Variants in DTNA observed in about 807,000 individuals in gnomAD.
DTNA encodes dystrophin-related protein 3.
DTNA carries 43 observed loss-of-function variants against 100.7 expected under a neutral mutation model. That is an observed-to-expected ratio of 0.43 (90% CI 0.33 to 0.55). DTNA has a LOEUF of 0.55. Ranked by LOEUF, DTNA falls within the 20% of genes least tolerant of loss-of-function variation. The probability of loss-of-function intolerance (pLI) is 0.04; values close to 1 mark genes in which losing one functional copy is unlikely to be tolerated. For synonymous variants in DTNA, 349 were observed against 347.9 expected, an observed-to-expected ratio of 1.00 and a Z score of -0.04; for missense variants, 798 against 953.9, an observed-to-expected ratio of 0.84 and a Z score of 2.15.
chr18:34,842,691 A>T (rs757638951), intron 13 of DTNA, among the ~76,000 whole-genome samples: 5 of 151,778 alleles, frequency 3.3e-5, no homozygotes, highest in Non-Finnish European at 7.4e-5. Context: ...TTCCCATTTC[A>T]CCCCTACTAT....
chr18:34,527,054 C>G (rs1011186402), intron 1 of DTNA, among the ~76,000 whole-genome samples: 1 of 151,948 alleles, frequency 6.6e-6, no homozygotes, highest in African/African-American at 2.4e-5. Flanking sequence ...TTTAAGCATT[C>G]GACAATCATT....
At chr18:34,618,267 G>A (rs2055743897) in intron 1 of DTNA, among the ~76,000 whole-genome samples, 1 of 152,108 alleles carries the variant, frequency 6.6e-6, no homozygotes, top group South Asian at 2.1e-4. Context: ...TGATTTGCCA[G>A]CCTAAAGTAT....
intron 1 of DTNA, among the ~76,000 whole-genome samples, chr18:34,718,684 G>A (rs2084586702): frequency 6.6e-6 from 1 of 152,174 alleles, no homozygotes; most frequent in Admixed American, 6.5e-5. Flanking sequence ...GGTGGAGTAT[G>A]GTCTTGGTCA....
chr18:34,843,375 C>T (rs1389308626), intron 13 of DTNA, among the ~76,000 whole-genome samples: 1 of 151,640 alleles, frequency 6.6e-6, no homozygotes, highest in Non-Finnish European at 1.5e-5. Context: ...TTTTAATGCC[C>T]CCCTAGATTC....
intron 9 of DTNA, chr18:34,822,273 C>T (rs1421079060): frequency 6.6e-6 from 1 of 152,164 alleles, no homozygotes; most frequent in Non-Finnish European, 1.5e-5. Flanking sequence ...TATTAAGAAC[C>T]TTATTAAGAT....
At chr18:34,672,579 G>C (rs547294254) in intron 1 of DTNA, among the ~76,000 whole-genome samples, 6 of 152,124 alleles carry the variant, frequency 3.9e-5, no homozygotes, top group African/African-American at 7.2e-5. Flanking sequence ...TAAAGTACGT[G>C]AATAAAGGAG....
Position 34,889,060 on chromosome 18 carries a change from G to T in DTNA, c.*1326G>T, listed in dbSNP as rs2096947284. 1 of 985,728 alleles carries T rather than the reference G, an allele frequency of 1.0e-6. No individual in the cohort carries two copies. The allele number at this position is 985,728 out of a possible 1,614,324, so 61.1% of individuals were successfully genotyped here. ...CTTTTCCAAGGACCCTCTTTAGAGG[G>T]CCCTAAAGACCTCCTTTGGGAATTC... On this transcript the variant is annotated 3_prime_UTR_variant, in exon 23 of 23. Coordinates refer to ENST00000444659, the MANE Select transcript of DTNA (RefSeq NM_001386795.1).
At chr18:34,632,077 G>A (rs1250870872) in intron 1 of DTNA, among the ~76,000 whole-genome samples, 1 of 151,950 alleles carries the variant, frequency 6.6e-6, no homozygotes, top group Non-Finnish European at 1.5e-5. Flanking sequence ...ATTTATTTCT[G>A]TTTTTCTTTA....
intron 1 of DTNA, among the ~76,000 whole-genome samples, chr18:34,595,441 T>C (rs1567975091): frequency 6.6e-6 from 1 of 152,152 alleles, no homozygotes; most frequent in Non-Finnish European, 1.5e-5. Context: ...AATGTTAAAC[T>C]ATGTGGCCAA....
chr18:34,691,775 AC>A (rs1268357261), intron 1 of DTNA, among the ~76,000 whole-genome samples: 2 of 151,490 alleles, frequency 1.3e-5, no homozygotes, highest in Non-Finnish European at 2.9e-5. Flanking sequence ...TCCCATCCAC[AC>A]CCCTCCCTAA....
intron 1 of DTNA, among the ~76,000 whole-genome samples, chr18:34,519,779 A>G (rs1450898837): frequency 2.0e-5 from 3 of 152,242 alleles, no homozygotes; most frequent in Admixed American, 6.5e-5. Context: ...ATGTGGCAAC[A>G]TAAGACTCTT....
At chr18:34,789,973 A>G (rs2094646324) in intron 3 of DTNA, among the ~76,000 whole-genome samples, 1 of 152,170 alleles carries the variant, frequency 6.6e-6, no homozygotes, top group Non-Finnish European at 1.5e-5. Flanking sequence ...TTCTAACATG[A>G]AGATTCAGAG....
chr18:34,794,774 C>T (rs554212993), intron 4 of DTNA, among the ~76,000 whole-genome samples: 175 of 152,250 alleles, frequency 1.1e-3, no homozygotes, highest in African/African-American at 4.0e-3. Context: ...GGATGCTGTC[C>T]ACAGACCACA....
intron 1 of DTNA, among the ~76,000 whole-genome samples, chr18:34,613,679 C>G (rs1268407068): frequency 6.6e-6 from 1 of 152,198 alleles, no homozygotes; most frequent in African/African-American, 2.4e-5. Context: ...GGCCCTAACT[C>G]TTCAATTCTG....
chr18:34,643,796 T>G (rs1028983286), intron 1 of DTNA, among the ~76,000 whole-genome samples: 2 of 152,230 alleles, frequency 1.3e-5, no homozygotes, highest in Non-Finnish European at 2.9e-5. Context: ...AAAATTATCA[T>G]TATGTAATTC....
intron 1 of DTNA, among the ~76,000 whole-genome samples, chr18:34,735,932 T>C (rs1044241095): frequency 9.9e-5 from 15 of 152,204 alleles, no homozygotes; most frequent in Non-Finnish European, 1.9e-4. Flanking sequence ...CCTTTTGTTA[T>C]CTCACACAGG....
At chr18:34,662,822 T>C (rs1331679865) in intron 1 of DTNA, 1 of 152,260 alleles carries the variant, frequency 6.6e-6, no homozygotes, top group Non-Finnish European at 1.5e-5. Flanking sequence ...GAGATTTGTC[T>C]CAACAACCTT....
intron 1 of DTNA, among the ~76,000 whole-genome samples, chr18:34,537,569 A>G (rs1424977503): frequency 6.6e-6 from 1 of 152,042 alleles, no homozygotes; most frequent in Non-Finnish European, 1.5e-5. Flanking sequence ...AGAAAGTTGT[A>G]ATTATCAGAA....
chr18:34,788,601 C>T (rs959196731), intron 3 of DTNA, among the ~76,000 whole-genome samples: 1 of 152,132 alleles, frequency 6.6e-6, no homozygotes, highest in African/African-American at 2.4e-5. Flanking sequence ...AAGGTAGTCG[C>T]CAATGAAATA....
Sources: gnomAD v4.1 joint callset for allele counts (sites outside exome capture counted in the v4.1 genomes callset) on GRCh38, gnomAD v4.1.1 for gene constraint, MANE v1.5 for transcripts, NCBI Gene and HGNC (gene_info 2026-07-23, HGNC 2026-07-21) for gene names.